The following LACTB variants were observed in gnomAD, a reference collection of about 807,000 sequenced individuals.
LACTB encodes lactamase beta.
A neutral mutation model predicts 50.2 loss-of-function variants in LACTB; 35 were observed. The ratio of observed to expected loss-of-function variants is 0.70; its 90% CI spans 0.53 to 0.92. The LOEUF (loss-of-function observed/expected upper bound fraction) is 0.92. Ranked by LOEUF, LACTB falls within the 40% of genes least tolerant of loss-of-function variation. LACTB has a pLI of 0.00. For missense variants in LACTB, 664 were observed against 691.8 expected (o/e 0.96, Z 0.45); for synonymous variants, 252 against 268.2 (o/e 0.94, Z 0.59).
intron 5 of LACTB, among the ~76,000 whole-genome samples, chr15:63,132,684 G>T (rs1397231996): frequency 6.6e-6 from 1 of 152,126 alleles, no homozygotes; most frequent in African/African-American, 2.4e-5. Flanking sequence ...AGCCAGGCAT[G>T]GTAGTGTGTA....
rs1341800253 is a variant in LACTB at position 63,141,841 on chromosome 15, T to C, written c.*36T>C. 1.9e-6 allele frequency: 3 copies of C among 1,543,754 alleles called. No homozygotes were observed. The African/African-American group carries it at 4.1e-5, about 21-fold the overall frequency. ...ACCATAGGTGCAAAATGAGTTGTTC[T>C]GAGGTTTTTTTGAAACATTAAAGTT... On this transcript the variant is annotated 3_prime_UTR_variant, in exon 6 of 6. Coordinates refer to ENST00000261893, the MANE Select transcript of LACTB (RefSeq NM_032857.5).
At chr15:63,137,536 T>G (rs2037188884) in intron 5 of LACTB, among the ~76,000 whole-genome samples, 1 of 152,232 alleles carries the variant, frequency 6.6e-6, no homozygotes, top group African/African-American at 2.4e-5. Context: ...GTACGTGAGA[T>G]GTTTTGATAC....
chr15:63,122,574 A>C, intron 1 of LACTB, 62 bp from the exon 2 acceptor site: 1 of 1,329,810 alleles, frequency 7.5e-7, no homozygotes, highest in Non-Finnish European at 1.1e-6. Context: ...AAGGTCCCCG[A>C]GGAGAGCGCT....
At chr15:63,136,195 CCA>C (rs1270961897) in intron 5 of LACTB, among the ~76,000 whole-genome samples, 1 of 152,146 alleles carries the variant, frequency 6.6e-6, no homozygotes, top group Admixed American at 6.6e-5. Context: ...ATGTGTGCCA[CCA>C]CACCTGGCTG....
chr15:63,122,688 A>T lies in LACTB; in HGVS notation c.410A>T (p.Glu137Val). 2 of 1,613,098 alleles carry T rather than the reference A, an allele frequency of 1.2e-6. No homozygotes were observed. The highest frequency in any genetic ancestry group is 1.7e-4 in the Middle Eastern group (1 of 6,060). Residue 137 changes from glutamate (E) to valine (V), a missense_variant, in exon 2 of 6, where the codon GAA (glutamate) becomes GTA (valine). By Grantham distance (121) the Glu-to-Val change is moderately radical. Coordinates refer to ENST00000261893, the MANE Select transcript of LACTB (RefSeq NM_032857.5). ...GTTGGAGTTTCTGTAGATGGAAAAG[A>T]AGTCTGGTCAGAAGGTGGGTTCAGA... is the stretch of plus-strand genomic sequence containing the variant. Reference protein sequence around the residue: ...IVVGVSVDGKEVWSEGLGYAD... With the variant: ...IVVGVSVDGKVVWSEGLGYAD...
At position 63,122,655 on chromosome 15, in the gene LACTB, G is replaced by C; in HGVS notation, c.377G>C (p.Gly126Ala). The C allele has an allele frequency of 1.2e-6, 2 of 1,613,840 alleles. No homozygotes were observed. Among genetic ancestry groups the C allele is most frequent in the South Asian group, 2.2e-5 (2 of 91,080 alleles). ...HRIKDEVGAP[G>A]IVVGVSVDGK... ...TCTTAGGATGAGGTGGGCGCACCGG[G>C]CATAGTGGTTGGAGTTTCTGTAGAT... Residue 126 changes from glycine (G) to alanine (A), a missense_variant, in exon 2 of 6, where the codon GGC (glycine) becomes GCC (alanine). Physicochemically the swap from Gly to Ala is moderately conservative, Grantham distance 60 (BLOSUM62 0). Transcript: ENST00000261893.
chr15:63,129,270 G>C (rs949648485), intron 4 of LACTB: 15 of 360,192 alleles, frequency 4.2e-5, no homozygotes, highest in Non-Finnish European at 6.9e-5. Context: ...TAAGTATGCT[G>C]ATCATAATTT....
At chr15:63,129,847 A>G (rs765621335) in intron 5 of LACTB, 197 bp downstream of exon 5, 2 of 574,102 alleles carry the variant, frequency 3.5e-6, no homozygotes, top group Non-Finnish European at 5.1e-6. Context: ...CCTTTGATGA[A>G]AGATAGCAAT....
chr15:63,124,970 AT>A lies in LACTB; in HGVS notation c.425-1888del, dbSNP rs200816003. On this transcript the variant is annotated intron_variant, in intron 2 of 5. Transcript: ENST00000261893. ...CTGTCTCAAAAAAAAAGAAAAAAAA[AT>A]GTTTCATATGCCATTTAAAGGCAGT... Among the ~76,000 whole-genome samples, 10 of 141,184 alleles carry A rather than the reference AT, an allele frequency of 7.1e-5. No homozygotes were observed. The East Asian group carries it at 2.2e-3, about 31-fold the overall frequency. 92.6% of individuals were successfully genotyped at this position (141,184 alleles called of 152,430 possible).
intron 2 of LACTB, among the ~76,000 whole-genome samples, chr15:63,126,330 C>T (rs1034189029): frequency 2.0e-5 from 3 of 152,068 alleles, no homozygotes; most frequent in African/African-American, 4.8e-5. Context: ...TTAGTAGAGA[C>T]GGGGTTTTAC....
In LACTB at chr15:63,127,485, C is replaced by G. The variant is rs765980175; in HGVS notation, c.748C>G (p.Gln250Glu). The G allele has an allele frequency of 3.7e-6, 6 of 1,612,878 alleles. No homozygotes were observed. In the South Asian group the frequency reaches 6.6e-5, roughly 18 times the overall value. The change falls in exon 4 of 6, where the codon CAA becomes GAA. Residue 250 changes from glutamine (Q) to glutamate (E), a missense_variant. Coordinates refer to ENST00000261893, the MANE Select transcript of LACTB (RefSeq NM_032857.5). ...GATGAAAGAGAATGTTGCATTTGAG[C>G]AAGAAAAAGAAGGCAAAAGTAATGA... Reference protein sequence around the residue: ...KMMKENVAFEQEKEGKSNEKN... With the variant: ...KMMKENVAFEEEKEGKSNEKN...
At chr15:63,122,777 C>T (rs1018290407) in intron 2 of LACTB, 75 bp downstream of exon 2, 125 of 989,958 alleles carry the variant, frequency 1.3e-4, no homozygotes, top group Non-Finnish European at 2.3e-5. Context: ...TAGAGTGGAT[C>T]CCATGAAATG....
chr15:63,131,837 C>T (rs547996111), intron 5 of LACTB, among the ~76,000 whole-genome samples: 1 of 151,768 alleles, frequency 6.6e-6, no homozygotes, highest in South Asian at 2.1e-4. Context: ...CCTAGTTACT[C>T]GGGAGGCTGA....
intron 3 of LACTB, 132 bp from the exon 4 acceptor site, chr15:63,127,221 A>G: frequency 1.0e-6 from 1 of 959,070 alleles, no homozygotes; most frequent in Non-Finnish European, 1.5e-6. Context: ...ATTTGAGGCT[A>G]AGGATTTGTA....
At chr15:63,137,263 T>C (rs1266615633) in intron 5 of LACTB, among the ~76,000 whole-genome samples, 2 of 152,142 alleles carry the variant, frequency 1.3e-5, no homozygotes, top group African/African-American at 4.8e-5. Context: ...ACAAAGGAGC[T>C]CAGTGAATGT....
Position 63,127,564 on chromosome 15 carries a change from G to C in LACTB, c.827G>C (p.Arg276Pro). The change falls in exon 4 of 6, where the codon CGG (arginine) becomes CCG (proline). Residue 276 changes from arginine (R) to proline (P), a missense_variant. By Grantham distance (103) the Arg-to-Pro change is moderately radical (BLOSUM62 -2). Coordinates refer to ENST00000261893, the MANE Select transcript of LACTB (RefSeq NM_032857.5). ...GAGCAGGAGAATGAAGCCAAATGCC[G>C]GAATTCAAAACCTGGCAAGAAAAAG... Reference protein sequence around the residue: ...KTEQENEAKCRNSKPGKKKND... With the variant: ...KTEQENEAKCPNSKPGKKKND... 6.2e-7 allele frequency: 1 copy of C among 1,613,494 alleles called. No individual in the cohort carries two copies. The highest frequency in any genetic ancestry group is 8.5e-7 in the Non-Finnish European group (1 of 1,179,638).
intron 5 of LACTB, among the ~76,000 whole-genome samples, chr15:63,139,237 A>G (rs988969137): frequency 3.3e-5 from 5 of 149,940 alleles, no homozygotes; most frequent in African/African-American, 1.2e-4. Context: ...ATAGTGGTGC[A>G]TGCCTGTAAT....
At chr15:63,129,325 A>T in intron 4 of LACTB, 160 bp from the exon 5 acceptor site, 1 of 541,548 alleles carries the variant, frequency 1.8e-6, no homozygotes, top group East Asian at 3.2e-5. Context: ...TGCAAAGTTA[A>T]CTCAATTTGT....
At chr15:63,134,556 G>C (rs746577307) in intron 5 of LACTB, among the ~76,000 whole-genome samples, 10 of 152,092 alleles carry the variant, frequency 6.6e-5, no homozygotes, top group Non-Finnish European at 1.3e-4. Context: ...ATGTACTCAG[G>C]GCCTTAAGGT....
Sources: allele counts gnomAD v4.1 joint callset (sites outside exome capture counted in the v4.1 genomes callset), GRCh38; gene constraint gnomAD v4.1.1; transcripts MANE v1.5; gene names NCBI Gene and HGNC (gene_info 2026-07-23, HGNC 2026-07-21).